AKAP12: variants seen among roughly 807,000 people sequenced by gnomAD.
AKAP12 encodes the protein A-kinase anchor protein 12.
Under a neutral mutation model 79.9 loss-of-function variants are expected in AKAP12, and 32 were observed. That is an observed-to-expected ratio of 0.40 (90% CI 0.30 to 0.54). AKAP12 has a LOEUF of 0.54. Among genes scored for constraint, AKAP12 ranks in the 20% least tolerant of loss-of-function variants. AKAP12 has a pLI of 0.48. For synonymous variants in AKAP12, 808 were observed against 857.0 expected, an observed-to-expected ratio of 0.94 and a Z score of 1.00; for missense variants, 2,074 against 2,177.0, an observed-to-expected ratio of 0.95 and a Z score of 0.94.
In AKAP12 at chr6:151,351,661, G is replaced by T. The variant is rs1238605468; in HGVS notation, c.3270G>T (p.Thr1090=). ...QAEASGLKKE[T]DVVLKVDAQE... ...AAGCGTCGGGTCTGAAGAAAGAGAC[G>T]GATGTAGTGTTGAAAGTAGATGCTC... The change falls in exon 4 of 5, where the codon ACG becomes ACT. Residue 1090 remains threonine, a synonymous_variant. Transcript: ENST00000402676. The surrounding 1 kb of genome is among the most constrained non-coding windows in gnomAD (Gnocchi z 4.4). The T allele has an allele frequency of 6.2e-7, 1 of 1,614,000 alleles. No homozygotes were observed. The highest frequency in any genetic ancestry group is 1.1e-5 in the South Asian group (1 of 91,068).
chr6:151,240,360 T>TA, intron 1 of AKAP12, 24 bp from the exon 2 acceptor site: 1 of 481,838 alleles, frequency 2.1e-6, no homozygotes. Flanking sequence ...GGTGGCCTTT[T>TA]TTTTTTTTTC....
chr6:151,306,017 C>A, intron 3 of AKAP12, 114 bp downstream of exon 3: 1 of 1,122,586 alleles, frequency 8.9e-7, no homozygotes, highest in Non-Finnish European at 1.2e-6. Flanking sequence ...ACAGCAAAAA[C>A]AATCAATTGG....
At chr6:151,346,927 C>T (rs1778115737) in intron 3 of AKAP12, among the ~76,000 whole-genome samples, 1 of 152,188 alleles carries the variant, frequency 6.6e-6, no homozygotes, top group African/African-American at 2.4e-5. Flanking sequence ...CCCTTCTCCT[C>T]ATTTACCTTT....
intron 3 of AKAP12, among the ~76,000 whole-genome samples, chr6:151,340,230 C>T (rs1466152566): frequency 8.5e-5 from 12 of 141,296 alleles, no homozygotes; most frequent in African/African-American, 2.1e-4. Context: ...CCGCGCCCAG[C>T]GGTGGTTTTT....
chr6:151,308,502 C>T (rs528365727), intron 3 of AKAP12, among the ~76,000 whole-genome samples: 6 of 152,226 alleles, frequency 3.9e-5, no homozygotes, highest in Non-Finnish European at 7.4e-5. Context: ...CGTGAGCCAC[C>T]GTGACCAGCC....
rs753338620 is a variant in AKAP12 at position 151,333,419 on chromosome 6, T to TAG, written c.320-15292_320-15291insAG. On this transcript the variant is annotated intron_variant, in intron 3 of 4. Coordinates refer to ENST00000402676, the MANE Select transcript of AKAP12 (RefSeq NM_005100.4). Reference sequence around the variant, plus strand: ...CGCTGTGTTCACTAAGCTACAGTCTTTAACTCATTCACAACCAGCATGCAG... The same window carrying TAG: ...CGCTGTGTTCACTAAGCTACAGTCTTAGTAACTCATTCACAACCAGCATGCAG... Among the ~76,000 whole-genome samples the TAG allele has an allele frequency of 1.2e-4, 18 of 152,290 alleles. No homozygotes were observed. In the South Asian group the frequency reaches 1.9e-3, roughly 16 times the overall value.
Position 151,351,661 on chromosome 6 carries a change from G to A in AKAP12, c.3270G>A (p.Thr1090=), listed in dbSNP as rs1238605468. The A allele has an allele frequency of 3.7e-6, 6 of 1,614,118 alleles. No individual in the cohort carries two copies. In the South Asian group the frequency reaches 5.5e-5, roughly 15 times the overall value. The change falls in exon 4 of 5, where the codon ACG becomes ACA. Residue 1090 remains threonine (T), a synonymous_variant. Transcript: ENST00000402676. This position sits in a 1 kb window ranked among gnomAD's most constrained non-coding sequence, Gnocchi z 4.4. ...AAGCGTCGGGTCTGAAGAAAGAGAC[G>A]GATGTAGTGTTGAAAGTAGATGCTC... ...QAEASGLKKE[T]DVVLKVDAQE...
At position 151,350,979 on chromosome 6, in the gene AKAP12, A is replaced by G; in HGVS notation, c.2588A>G (p.Gln863Arg). 1.2e-6 allele frequency: 2 copies of G among 1,614,092 alleles called. No homozygotes were observed. The highest frequency in any genetic ancestry group is 8.5e-7 in the Non-Finnish European group (1 of 1,180,032). ...DAVEREKMEA[Q>R]QAQKSAEQPE... ...GTAGAAAGGGAGAAAATGGAGGCAC[A>G]GCAAGCCCAAAAAAGCGCAGAGCAG... Residue 863 changes from glutamine to arginine, a missense_variant, in exon 4 of 5, where the codon CAG becomes CGG. Coordinates refer to ENST00000402676, the MANE Select transcript of AKAP12 (RefSeq NM_005100.4). The surrounding 1 kb of genome is among the most constrained non-coding windows in gnomAD (Gnocchi z 4.8).
chr6:151,318,923 G>T (rs950616816), intron 3 of AKAP12, among the ~76,000 whole-genome samples: 4 of 152,182 alleles, frequency 2.6e-5, no homozygotes, highest in African/African-American at 9.7e-5. Context: ...GGGTGACAGA[G>T]TGAGACCCTG....
rs114281366 is a variant in AKAP12 at position 151,320,310 on chromosome 6, G to A, written c.319+14407G>A. Among the ~76,000 whole-genome samples the A allele has an allele frequency of 6.6e-3, 999 of 151,794 alleles. 13 individuals carry two copies. Among genetic ancestry groups the A allele is most frequent in the African/African-American group, 0.023 (939 of 41,362 alleles). ...TTTGTTTTTGTTTTTTATAGAGATG[G>A]GATCTTGCTGTGTTGCCCAGGCTGG... On this transcript the variant is annotated intron_variant, in intron 3 of 4. Coordinates refer to ENST00000402676, the MANE Select transcript of AKAP12 (RefSeq NM_005100.4).
At chr6:151,259,172 G>A (rs557521014) in intron 2 of AKAP12, among the ~76,000 whole-genome samples, 144 of 151,376 alleles carry the variant, frequency 9.5e-4, no homozygotes, top group Non-Finnish European at 1.8e-3. Flanking sequence ...AGCTTCCCAA[G>A]TAGCTGGGAT....
At chr6:151,261,990 C>T (rs966266194) in intron 2 of AKAP12, among the ~76,000 whole-genome samples, 5 of 152,096 alleles carry the variant, frequency 3.3e-5, no homozygotes, top group African/African-American at 1.2e-4. Context: ...GATACAGAGA[C>T]TCACTCTGTC....
intron 2 of AKAP12, among the ~76,000 whole-genome samples, chr6:151,252,616 G>T (rs1481640695): frequency 6.6e-6 from 1 of 151,824 alleles, no homozygotes; most frequent in Non-Finnish European, 1.5e-5. Flanking sequence ...AGGTGAGCAT[G>T]GTGGCTCATG....
intron 2 of AKAP12, among the ~76,000 whole-genome samples, chr6:151,291,244 A>G (rs1326062167): frequency 6.6e-6 from 1 of 152,194 alleles, no homozygotes; most frequent in Non-Finnish European, 1.5e-5. Context: ...TAATTGGGTT[A>G]GGATATAACC....
intron 2 of AKAP12, among the ~76,000 whole-genome samples, chr6:151,294,113 A>G (rs1776675458): frequency 1.3e-5 from 2 of 152,060 alleles, no homozygotes; most frequent in African/African-American, 4.8e-5. Context: ...AGCTGGGACT[A>G]CAGGCGAGTG....
In AKAP12 at chr6:151,273,667, C is replaced by T. The variant is rs893230112; in HGVS notation, c.163-32080C>T. Among the ~76,000 whole-genome samples, 6 of 152,302 alleles carry T rather than the reference C, an allele frequency of 3.9e-5. 1 individual carries two copies. The South Asian group carries it at 1.2e-3, about 32-fold the overall frequency. The stretch of plus-strand genomic sequence containing the variant: ...GAAAGAGACCTCCAGCAGGCCAGTT[C>T]AAAGACTCTTTTGGTAGACATATTT... On this transcript the variant is annotated intron_variant, in intron 2 of 4. Transcript: ENST00000402676.
At position 151,350,047 on chromosome 6, in the gene AKAP12, C is replaced by T. The variant is rs41289369; in HGVS notation, c.1656C>T (p.Ala552=). The T allele has an allele frequency of 0.03, 48,649 of 1,613,968 alleles. 1,514 individuals carry two copies. Among genetic ancestry groups the T allele is most frequent in the East Asian group, 0.13 (5,871 of 44,842 alleles). ...CAGGGGAGCACACTCAGGTTCCAGC[C>T]GATTCTCCGGACAGCCAGGAGGAGC... is the stretch of plus-strand genomic sequence containing the variant. ...EESGEHTQVP[A]DSPDSQEEQK... Residue 552 remains alanine (A), a synonymous_variant, in exon 4 of 5, where the codon GCC becomes GCT. Transcript: ENST00000402676. The surrounding 1 kb of genome is among the most constrained non-coding windows in gnomAD (Gnocchi z 4.8).
At chr6:151,279,123 C>T (rs777976986) in intron 2 of AKAP12, among the ~76,000 whole-genome samples, 1 of 152,194 alleles carries the variant, frequency 6.6e-6, no homozygotes, top group Non-Finnish European at 1.5e-5. Context: ...AGTGTCATTA[C>T]TGCCTACACT....
chr6:151,324,638 A>G, intron 3 of AKAP12: 1 of 985,392 alleles, frequency 1.0e-6, no homozygotes, highest in Non-Finnish European at 1.2e-6. Flanking sequence ...TTGTTTGTGT[A>G]GGGGAAGAGC....
Sources: allele counts gnomAD v4.1 joint callset (sites outside exome capture counted in the v4.1 genomes callset), GRCh38; gene constraint gnomAD v4.1.1; non-coding constraint Gnocchi (gnomAD v3.1); transcripts MANE v1.5; gene names NCBI Gene and HGNC (gene_info 2026-07-23, HGNC 2026-07-21).